The following FBXO34 variants were observed in gnomAD, a reference collection of about 807,000 sequenced individuals.
FBXO34 encodes the protein F-box only protein 34.
Under a neutral mutation model 24.5 loss-of-function variants are expected in FBXO34, and 12 were observed. That is an observed-to-expected ratio of 0.49 (90% CI 0.31 to 0.79). FBXO34 has a LOEUF of 0.79. Among genes scored for constraint, FBXO34 ranks in the 30% least tolerant of loss-of-function variants. The pLI is 0.04. For synonymous variants in FBXO34, 320 were observed against 311.9 expected, an observed-to-expected ratio of 1.03 and a Z score of -0.27; for missense variants, 823 against 857.7, an observed-to-expected ratio of 0.96 and a Z score of 0.51.
At chr14:55,309,917 T>C (rs1194056237) in intron 1 of FBXO34, among the ~76,000 whole-genome samples, 1 of 152,230 alleles carries the variant, frequency 6.6e-6, no homozygotes, top group African/African-American at 2.4e-5. Flanking sequence ...TGAGTTACAA[T>C]GAGTTTTCTG....
chr14:55,331,193 A>G lies in FBXO34; in HGVS notation c.-10-19188A>G, dbSNP rs117182128. ...CTTTAGGCCCCACTAGGTAGTTTCA[A>G]TTTGAGCACAATTCCAGTGTTGCAT... On this transcript the variant is annotated intron_variant, in intron 1 of 1. Transcript: ENST00000313833. 3.2e-4 allele frequency among the ~76,000 whole-genome samples: 48 copies of G among 152,266 alleles called. No individual in the cohort carries two copies. In the South Asian group the frequency reaches 6.2e-3, roughly 20 times the overall value.
rs980975635 is a variant in FBXO34, at chr14:55,334,494, C to T, written c.-10-15887C>T. On this transcript the variant is annotated intron_variant, in intron 1 of 1. Coordinates refer to ENST00000313833, the MANE Select transcript of FBXO34 (RefSeq NM_017943.4). Reference sequence around the variant, plus strand: ...GGAAGGCACAGTTCTGGGAATTCAACGGAGGCATGTAGTTAGTAGCCATTG... The same window carrying T: ...GGAAGGCACAGTTCTGGGAATTCAATGGAGGCATGTAGTTAGTAGCCATTG... 1.1e-4 allele frequency among the ~76,000 whole-genome samples: 12 copies of T among 113,800 alleles called. No individual in the cohort carries two copies. The East Asian group carries it at 2.7e-3, about 26-fold the overall frequency. 74.7% of individuals were successfully genotyped at this position (113,800 alleles called of 152,430 possible). A position where few individuals can be genotyped will look rare whatever the true frequency, so the allele number is the denominator to read the frequency against.
downstream of FBXO34, chr14:55,369,359 G>T: frequency 3.4e-6 from 1 of 297,184 alleles, no homozygotes; most frequent in Non-Finnish European, 6.1e-6. Flanking sequence ...CACACGCACA[G>T]GTCCTCCTTC....
At chr14:55,433,580 T>C in the FBXO34 span, 2 of 1,535,932 alleles carry the variant, frequency 1.3e-6, no homozygotes, top group African/African-American at 2.7e-5. Context: ...TTCCTTGTTT[T>C]ACATACTAAA....
chr14:55,422,790 T>G, the FBXO34 span, among the ~76,000 whole-genome samples: 2 of 151,832 alleles, frequency 1.3e-5, no homozygotes, highest in African/African-American at 4.8e-5. Context: ...GAGGTGGAGG[T>G]TGCAGTGAGC....
chr14:55,310,806 T>G (rs1010230741), intron 1 of FBXO34, among the ~76,000 whole-genome samples: 1 of 152,216 alleles, frequency 6.6e-6, no homozygotes, highest in East Asian at 1.9e-4. Context: ...TAAGCAAATT[T>G]CTTAAACATC....
At chr14:55,328,565 G>A (rs10140869) in intron 1 of FBXO34, among the ~76,000 whole-genome samples, 54,825 of 151,978 alleles carry the variant, frequency 0.36, 10,508 homozygotes, top group Non-Finnish European at 0.42. Context: ...CTACAAATGG[G>A]GTGCAATTGA....
At chr14:55,277,567 T>C (rs1881385507) in intron 1 of FBXO34, among the ~76,000 whole-genome samples, 1 of 152,184 alleles carries the variant, frequency 6.6e-6, no homozygotes, top group Non-Finnish European at 1.5e-5. Flanking sequence ...GGCCCAATTA[T>C]AGTGTACTGC....
the FBXO34 span, among the ~76,000 whole-genome samples, chr14:55,392,363 C>G: frequency 1.3e-5 from 2 of 152,092 alleles, no homozygotes; most frequent in East Asian, 3.9e-4. Context: ...AAAATAGGAT[C>G]TATGGCCGGG....
In FBXO34 at chr14:55,333,988, A is replaced by C. The variant is rs138324301; in HGVS notation, c.-10-16393A>C. 4.8e-3 allele frequency among the ~76,000 whole-genome samples: 724 copies of C among 152,302 alleles called. 5 individuals carry two copies. Among genetic ancestry groups the C allele is most frequent in the African/African-American group, 0.016 (677 of 41,558 alleles). On this transcript the variant is annotated intron_variant, in intron 1 of 1. Coordinates refer to ENST00000313833, the MANE Select transcript of FBXO34 (RefSeq NM_017943.4). ...TATTCTAGTTAAACTGATAGTATTA[A>C]GTTAAATAACTTTATTGTGGAAGTG...
Position 55,353,354 on chromosome 14 carries a change from T to C in FBXO34, c.*828T>C, listed in dbSNP as rs1884458613. 6.0e-6 allele frequency: 1 copy of C among 167,042 alleles called. No homozygotes were observed. The highest frequency in any genetic ancestry group is 1.5e-5 in the Non-Finnish European group (1 of 68,106). The allele number at this position is 167,042 out of a possible 1,614,324, so 10.3% of individuals were successfully genotyped here. On this transcript the variant is annotated 3_prime_UTR_variant, in exon 2 of 2. Coordinates refer to ENST00000313833, the MANE Select transcript of FBXO34 (RefSeq NM_017943.4). ...GAATGTTTCCCAAATAAACTATGAA[T>C]GTTTCCTGTATAATATATGAATGTT...
chr14:55,292,751 C>T (rs1385801711), intron 1 of FBXO34, among the ~76,000 whole-genome samples: 3 of 152,108 alleles, frequency 2.0e-5, no homozygotes, highest in Non-Finnish European at 4.4e-5. Context: ...ATAGCAGAGA[C>T]CTCCTACTTA....
the FBXO34 span, among the ~76,000 whole-genome samples, chr14:55,440,812 G>C: frequency 6.6e-6 from 1 of 152,150 alleles, no homozygotes; most frequent in African/African-American, 2.4e-5. Flanking sequence ...TTTGCTCCCA[G>C]GAGAGAAATT....
At chr14:55,398,538 G>A in the FBXO34 span, among the ~76,000 whole-genome samples, 1 of 152,092 alleles carries the variant, frequency 6.6e-6, no homozygotes, top group Non-Finnish European at 1.5e-5. Flanking sequence ...TTATTTAGAA[G>A]CATATTGTTT....
Position 55,351,815 on chromosome 14 carries a change from A to C in FBXO34, c.1425A>C (p.Glu475Asp). 1 of 1,614,186 alleles carries C rather than the reference A, an allele frequency of 6.2e-7. No homozygotes were observed. Among genetic ancestry groups the C allele is most frequent in the Non-Finnish European group, 8.5e-7 (1 of 1,180,026 alleles). ...AGCCTTCCATTTTAAACTCCTGTGA[A>C]GACCCAGTTCCAGGGATGTTGTTTT... Reference protein sequence around the residue: ...KDQPSILNSCEDPVPGMLFFL... With the variant: ...KDQPSILNSCDDPVPGMLFFL... Residue 475 changes from glutamate to aspartate, a missense_variant, in exon 2 of 2, where the codon GAA becomes GAC. Glu to Asp is a conservative substitution (Grantham distance 45). Around this residue, in one of 2 missense-constraint regions of FBXO34, gnomAD observed 693 missense variants for 659.1 expected, o/e 1.05. Coordinates refer to ENST00000313833, the MANE Select transcript of FBXO34 (RefSeq NM_017943.4).
rs539468602 is a variant in FBXO34, at chr14:55,353,124, G to T, written c.*598G>T. 1 of 167,560 alleles carries T rather than the reference G, an allele frequency of 6.0e-6. No individual in the cohort carries two copies. The highest frequency in any genetic ancestry group is 2.4e-5 in the African/African-American group (1 of 41,420). The allele number at this position is 167,560 out of a possible 1,614,324, so 10.4% of individuals were successfully genotyped here. On this transcript the variant is annotated 3_prime_UTR_variant, in exon 2 of 2. Transcript: ENST00000313833. ...TGTGTTTTCATGGGGCTATGAAAGT[G>T]CACGTTAAACCTGAGCGCCTTTACC...
downstream of FBXO34, among the ~76,000 whole-genome samples, chr14:55,356,025 C>T (rs956401917): frequency 6.6e-6 from 1 of 152,178 alleles, no homozygotes; most frequent in African/African-American, 2.4e-5. Flanking sequence ...CTGGTATAAC[C>T]TCAGTTCTGT....
the FBXO34 span, among the ~76,000 whole-genome samples, chr14:55,412,041 G>T: frequency 1.3e-5 from 2 of 152,194 alleles, no homozygotes; most frequent in Non-Finnish European, 2.9e-5. Context: ...GGGGCTAGTC[G>T]GCCAAACAAA....
At position 55,282,015 on chromosome 14, in the gene FBXO34, T is replaced by G. The variant is rs78892430; in HGVS notation, c.-11+10478T>G. On this transcript the variant is annotated intron_variant, in intron 1 of 1. Coordinates refer to ENST00000313833, the MANE Select transcript of FBXO34 (RefSeq NM_017943.4). ...GCTTTTTTTTTTTTTTTTTTTTTTT[T>G]GATACAGAGTCTTATTCTGTTGCCA... Among the ~76,000 whole-genome samples the G allele has an allele frequency of 5.2e-3, 503 of 96,900 alleles. 4 individuals are homozygous for G. The highest frequency in any genetic ancestry group is 0.019 in the South Asian group (52 of 2,774). 63.6% of individuals were successfully genotyped at this position (96,900 alleles called of 152,430 possible).
Sources: allele counts gnomAD v4.1 joint callset (sites outside exome capture counted in the v4.1 genomes callset), GRCh38; gene constraint gnomAD v4.1.1; regional missense constraint gnomAD v4.1.1; transcripts MANE v1.5; gene names NCBI Gene and HGNC (gene_info 2026-07-23, HGNC 2026-07-21).